The following TEX36 variants were observed in gnomAD, a reference collection of about 807,000 sequenced individuals.
TEX36 encodes testis-expressed protein 36.
TEX36 carries 12 observed loss-of-function variants against 13.6 expected under a neutral mutation model. That is an observed-to-expected ratio of 0.88 (90% confidence interval 0.56 to 1.43). The LOEUF (loss-of-function observed/expected upper bound fraction) is 1.43, where lower values mean the gene tolerates loss of function less well. TEX36 is among the 40% of genes most tolerant of loss of function. The pLI is 0.00. For synonymous variants in TEX36, 93 were observed against 83.0 expected (o/e 1.12, Z -0.65); for missense variants, 224 against 228.3 (o/e 0.98, Z 0.12).
chr10:125,599,734 A>G (rs969353325), intron 3 of TEX36, among the ~76,000 whole-genome samples: 1 of 152,206 alleles, frequency 6.6e-6, no homozygotes, highest in African/African-American at 2.4e-5. Context: ...TTTGTATTGT[A>G]TTTGTGCAAA....
At chr10:125,658,038 G>A (rs905188307) in intron 3 of TEX36, among the ~76,000 whole-genome samples, 3 of 151,938 alleles carry the variant, frequency 2.0e-5, no homozygotes, top group African/African-American at 7.2e-5. Flanking sequence ...ATAATAAATA[G>A]GAAACATGAG....
At chr10:125,635,944 G>T (rs185756382) in intron 3 of TEX36, among the ~76,000 whole-genome samples, 3 of 152,038 alleles carry the variant, frequency 2.0e-5, no homozygotes, top group Non-Finnish European at 4.4e-5. Flanking sequence ...CACAATCATG[G>T]CTCACTGCAG....
intron 3 of TEX36, among the ~76,000 whole-genome samples, chr10:125,591,469 G>A (rs1040719168): frequency 6.6e-6 from 1 of 152,030 alleles, no homozygotes; most frequent in Admixed American, 6.5e-5. Context: ...TCTTCCCGCA[G>A]TGGGAAGCCA....
rs1178325543 is a variant in TEX36 at position 125,661,201 on chromosome 10, C to T, written c.184-100G>A. On this transcript the variant is annotated intron_variant, in intron 2 of 3. Coordinates refer to ENST00000368821, the MANE Select transcript of TEX36 (RefSeq NM_001128202.3). ...TGGAAGGAAGATGGATGAGGCAAAG[C>T]GACCTCTAAGAAAGACAATGAAACC... is the stretch of plus-strand genomic sequence containing the variant. 4 of 925,956 alleles carry T rather than the reference C, an allele frequency of 4.3e-6. No individual in the cohort carries two copies. In the East Asian group the frequency reaches 1.1e-4, roughly 24 times the overall value. The allele number at this position is 925,956 out of a possible 1,614,324, so 57.4% of individuals were successfully genotyped here. A position where few individuals can be genotyped will look rare whatever the true frequency, so the allele number is the denominator to read the frequency against.
chr10:125,601,965 A>G (rs1469602669), intron 3 of TEX36, among the ~76,000 whole-genome samples: 1 of 152,106 alleles, frequency 6.6e-6, no homozygotes, highest in African/African-American at 2.4e-5. Flanking sequence ...TGCTCTGCCA[A>G]AGATGCACAT....
chr10:125,590,565 TTATTA>T (rs1846009947), intron 3 of TEX36, among the ~76,000 whole-genome samples: 1 of 152,166 alleles, frequency 6.6e-6, no homozygotes, highest in African/African-American at 2.4e-5. Flanking sequence ...GCAGATATTA[TTATTA>T]CTATTATTAC....
chr10:125,579,415 C>G (rs369351374), intron 3 of TEX36, among the ~76,000 whole-genome samples: 4 of 152,294 alleles, frequency 2.6e-5, no homozygotes, highest in African/African-American at 9.6e-5. Context: ...CATGGGGGAA[C>G]TGCCTCCATG....
At chr10:125,603,045 T>C (rs895201010) in intron 3 of TEX36, among the ~76,000 whole-genome samples, 10 of 151,968 alleles carry the variant, frequency 6.6e-5, no homozygotes, top group African/African-American at 2.4e-4. Flanking sequence ...CATGGAGAGG[T>C]GAACACGGCT....
chr10:125,576,599 T>C, exon 4 of TEX36: 1 of 1,134,882 alleles, frequency 8.8e-7, no homozygotes. Flanking sequence ...TCTCCATAGC[T>C]GGAAATTTAT....
intron 3 of TEX36, among the ~76,000 whole-genome samples, chr10:125,613,617 T>A (rs993822222): frequency 2.6e-5 from 4 of 151,982 alleles, no homozygotes; most frequent in African/African-American, 9.7e-5. Context: ...AACTCATCAC[T>A]TTTTATGGCT....
At chr10:125,594,556 A>T (rs572254079) in intron 3 of TEX36, among the ~76,000 whole-genome samples, 2 of 152,328 alleles carry the variant, frequency 1.3e-5, no homozygotes, top group South Asian at 4.1e-4. Flanking sequence ...ATATTTAAAA[A>T]ATGTTTCCTT....
In TEX36 at chr10:125,640,884, T is replaced by C. The variant is rs77683603; in HGVS notation, c.265-19239A>G. Among the ~76,000 whole-genome samples, 579 of 152,252 alleles carry C rather than the reference T, an allele frequency of 3.8e-3. 3 individuals are homozygous for C. The highest frequency in any genetic ancestry group is 0.014 in the Middle Eastern group (4 of 294). ...GTCTTAGGGTGTTACCATAACAGCA[T>C]GGATTCTTCCCTGTACTCAACAGAA... On this transcript the variant is annotated intron_variant, in intron 3 of 3. Transcript: ENST00000526819.
chr10:125,618,802 A>G (rs959896348), downstream of TEX36, among the ~76,000 whole-genome samples: 2 of 151,930 alleles, frequency 1.3e-5, no homozygotes, highest in Non-Finnish European at 2.9e-5. Context: ...TGCTGCAGTG[A>G]CGGTGTTAAA....
downstream of TEX36, among the ~76,000 whole-genome samples, chr10:125,654,760 AAATATTTAAATGAT>A (rs1464479748): frequency 3.9e-5 from 6 of 152,230 alleles, no homozygotes; most frequent in Non-Finnish European, 8.8e-5. Flanking sequence ...AAATATCCTT[AAATATTTAAATGAT>A]AATGTGAGAG....
At chr10:125,628,738 C>T (rs752003238) in intron 3 of TEX36, among the ~76,000 whole-genome samples, 11 of 152,098 alleles carry the variant, frequency 7.2e-5, no homozygotes, top group Admixed American at 6.6e-5. Context: ...TTTTATAGAG[C>T]GAAAAGCTGG....
intron 3 of TEX36, among the ~76,000 whole-genome samples, chr10:125,581,024 T>C (rs1218358670): frequency 6.6e-6 from 1 of 152,078 alleles, no homozygotes; most frequent in African/African-American, 2.4e-5. Context: ...CCAAGGACAT[T>C]TGTGCTCAGA....
intron 3 of TEX36, among the ~76,000 whole-genome samples, chr10:125,593,222 T>C (rs1019116358): frequency 6.6e-6 from 1 of 152,212 alleles, no homozygotes; most frequent in Non-Finnish European, 1.5e-5. Flanking sequence ...GCATGACACT[T>C]GCTACTTTGG....
intron 3 of TEX36, among the ~76,000 whole-genome samples, chr10:125,624,900 G>A (rs1000930984): frequency 3.9e-5 from 6 of 152,098 alleles, no homozygotes; most frequent in Admixed American, 2.6e-4. Context: ...GCACAAAGGC[G>A]GGCACAGATG....
chr10:125,663,846 T>A (rs1246350762), intron 1 of TEX36, among the ~76,000 whole-genome samples: 32 of 152,340 alleles, frequency 2.1e-4, no homozygotes, highest in Non-Finnish European at 3.4e-4. Flanking sequence ...ATCATTTCTT[T>A]GTGTTACAAA....
Sources: gnomAD v4.1 joint callset for allele counts (sites outside exome capture counted in the v4.1 genomes callset) on GRCh38, gnomAD v4.1.1 for gene constraint, MANE v1.5 for transcripts, NCBI Gene and HGNC (gene_info 2026-07-23, HGNC 2026-07-21) for gene names.